The following SLC35F4 variants were observed in gnomAD, a reference collection of about 807,000 sequenced individuals.
SLC35F4 encodes solute carrier family 35 member F4, also known as chromosome 14 open reading frame 36.
Under a neutral mutation model 44.2 loss-of-function variants are expected in SLC35F4, and 24 were observed. The ratio of observed to expected loss-of-function variants is 0.54; its 90% CI spans 0.39 to 0.76. The LOEUF (loss-of-function observed/expected upper bound fraction) is 0.76, where lower values mean the gene tolerates loss of function less well. SLC35F4 is among the 30% of genes least tolerant of loss of function. SLC35F4 has a pLI of 0.00. For synonymous variants in SLC35F4, 238 were observed against 223.6 expected, an observed-to-expected ratio of 1.06 and a Z score of -0.57; for missense variants, 562 against 586.1, an observed-to-expected ratio of 0.96 and a Z score of 0.42.
At chr14:57,899,774 T>G (rs148510636) in intron 1 of SLC35F4, among the ~76,000 whole-genome samples, 1 of 152,164 alleles carries the variant, frequency 6.6e-6, no homozygotes, top group Non-Finnish European at 1.5e-5. Context: ...CCAGAGTTGG[T>G]TCCTGCCGGT....
intron 1 of SLC35F4, among the ~76,000 whole-genome samples, chr14:57,879,088 T>C (rs367753410): frequency 1.6e-4 from 25 of 152,130 alleles, no homozygotes; most frequent in African/African-American, 5.8e-4. Context: ...ATATGGGTAA[T>C]TGCGGCCCCA....
intron 1 of SLC35F4, among the ~76,000 whole-genome samples, chr14:57,733,804 T>C (rs1092016): frequency 0.55 from 82,375 of 150,628 alleles, 22,516 homozygotes; most frequent in South Asian, 0.6. Context: ...CCTAGGAATG[T>C]GGACAGCAAG....
intron 1 of SLC35F4, among the ~76,000 whole-genome samples, chr14:57,839,424 C>A (rs1225474809): frequency 1.3e-5 from 2 of 152,122 alleles, no homozygotes; most frequent in African/African-American, 4.8e-5. Flanking sequence ...AGATCATGAC[C>A]TTTGCAGAGA....
intron 1 of SLC35F4, among the ~76,000 whole-genome samples, chr14:57,766,749 A>G (rs2077244692): frequency 6.6e-6 from 1 of 152,248 alleles, no homozygotes; most frequent in Non-Finnish European, 1.5e-5. Context: ...AAGAAATTCA[A>G]GCAGAATTAA....
chr14:57,820,969 C>A (rs4901825), intron 1 of SLC35F4, among the ~76,000 whole-genome samples: 71,296 of 152,096 alleles, frequency 0.47, 19,427 homozygotes, highest in African/African-American at 0.75. Context: ...CTATTCTTTA[C>A]TGTGACCTAA....
intron 1 of SLC35F4, among the ~76,000 whole-genome samples, chr14:57,625,067 G>A (rs886620534): frequency 2.0e-5 from 3 of 152,168 alleles, no homozygotes; most frequent in Non-Finnish European, 2.9e-5. Context: ...CATCATCTCA[G>A]CCCAAAATCT....
At chr14:57,796,193 C>G (rs2140832057) in intron 1 of SLC35F4, among the ~76,000 whole-genome samples, 1 of 152,242 alleles carries the variant, frequency 6.6e-6, no homozygotes, top group East Asian at 1.9e-4. Context: ...CCCAGTCCAC[C>G]ATTAATGGGC....
intron 1 of SLC35F4, among the ~76,000 whole-genome samples, chr14:57,766,483 T>G (rs565853902): frequency 4.2e-4 from 64 of 152,292 alleles, no homozygotes; most frequent in African/African-American, 1.5e-3. Flanking sequence ...TGGCTCTCAT[T>G]GTCAGCCAAG....
chr14:57,610,753 TCTCA>T (rs1418901388), intron 1 of SLC35F4, among the ~76,000 whole-genome samples: 1 of 152,176 alleles, frequency 6.6e-6, no homozygotes, highest in East Asian at 1.9e-4. Context: ...CTGGTGATGA[TCTCA>T]CTCATGCATC....
intron 1 of SLC35F4, among the ~76,000 whole-genome samples, chr14:57,743,373 C>T (rs534576039): frequency 8.6e-5 from 13 of 151,918 alleles, no homozygotes; most frequent in African/African-American, 2.4e-4. Flanking sequence ...ATAGACGCAA[C>T]AAAAAATGAT....
At chr14:57,692,034 G>A (rs1161345757) in intron 1 of SLC35F4, among the ~76,000 whole-genome samples, 1 of 152,062 alleles carries the variant, frequency 6.6e-6, no homozygotes, top group Non-Finnish European at 1.5e-5. Context: ...TGAAATAGGA[G>A]GTAAGACTGG....
intron 1 of SLC35F4, among the ~76,000 whole-genome samples, chr14:57,791,302 A>C (rs1490268911): frequency 6.6e-6 from 1 of 152,198 alleles, no homozygotes; most frequent in African/African-American, 2.4e-5. Flanking sequence ...AAAAACAAAC[A>C]ACCCCATCAA....
At chr14:57,916,706 A>T (rs536548835) in intron 1 of SLC35F4, among the ~76,000 whole-genome samples, 2 of 152,174 alleles carry the variant, frequency 1.3e-5, no homozygotes, top group Non-Finnish European at 2.9e-5. Context: ...TCAGTTTTGG[A>T]ATTGGGTACT....
chr14:57,632,055 A>G (rs1256416603), intron 1 of SLC35F4, among the ~76,000 whole-genome samples: 2 of 152,136 alleles, frequency 1.3e-5, no homozygotes, highest in Admixed American at 1.3e-4. Flanking sequence ...GAACCTTTGT[A>G]TATTTGATAG....
At chr14:57,713,756 G>T (rs890899566) in intron 1 of SLC35F4, among the ~76,000 whole-genome samples, 4 of 152,052 alleles carry the variant, frequency 2.6e-5, no homozygotes, top group Admixed American at 2.6e-4. Flanking sequence ...GGACGGAGGG[G>T]GTGCCAAATG....
At chr14:57,963,801 C>A (rs1277754968) in intron 1 of SLC35F4, among the ~76,000 whole-genome samples, 1 of 148,732 alleles carries the variant, frequency 6.7e-6, no homozygotes, top group African/African-American at 2.5e-5. Flanking sequence ...TATTTCACTG[C>A]CACTTCAACT....
At position 57,686,768 on chromosome 14, in the gene SLC35F4, A is replaced by C. The variant is rs180867237; in HGVS notation, c.104-92644T>G. ...TATCAATGTTAAAATGTGGATCCCA[A>C]CATAATTTTTAAAGGATTGTGAAAG... is the stretch of plus-strand genomic sequence containing the variant. On this transcript the variant is annotated intron_variant, in intron 1 of 7. Coordinates refer to ENST00000556826, the MANE Select transcript of SLC35F4 (RefSeq NM_001306087.2). Among the ~76,000 whole-genome samples, 308 of 152,288 alleles carry C rather than the reference A, an allele frequency of 2.0e-3. 2 individuals carry two copies. The highest frequency in any genetic ancestry group is 7.1e-3 in the African/African-American group (295 of 41,550).
chr14:57,677,349 G>A (rs1163262519), intron 1 of SLC35F4, among the ~76,000 whole-genome samples: 1 of 151,446 alleles, frequency 6.6e-6, no homozygotes, highest in Non-Finnish European at 1.5e-5. Flanking sequence ...CCTCAGAAAT[G>A]ACCACTAAAG....
intron 1 of SLC35F4, among the ~76,000 whole-genome samples, chr14:57,871,312 C>T (rs1300766256): frequency 1.3e-5 from 2 of 152,176 alleles, no homozygotes; most frequent in Non-Finnish European, 2.9e-5. Flanking sequence ...CCCCTGACTG[C>T]ATAACTCTGC....
Sources: allele counts gnomAD v4.1 joint callset (sites outside exome capture counted in the v4.1 genomes callset), GRCh38; gene constraint gnomAD v4.1.1; transcripts MANE v1.5; gene names NCBI Gene and HGNC (gene_info 2026-07-23, HGNC 2026-07-21).